Variants in SBNO2 observed in about 807,000 individuals in gnomAD.
The protein encoded by SBNO2 is protein strawberry notch homolog 2.
In SBNO2, 89 loss-of-function variants were observed where a neutral mutation model predicts 146.3. The ratio of observed to expected loss-of-function variants is 0.61; its 90% CI spans 0.51 to 0.73. The LOEUF is 0.73. SBNO2 is among the 30% of genes least tolerant of loss of function. The pLI, the probability that SBNO2 is intolerant of heterozygous loss-of-function variation, is 0.00. For missense variants in SBNO2, 2,092 were observed against 2,003.7 expected (o/e 1.04, Z -0.84); for synonymous variants, 1,147 against 892.6 (o/e 1.29, Z -5.08).
At position 1,158,802 on chromosome 19, in the gene SBNO2, G is replaced by A. The variant is rs1349469286; in HGVS notation, c.-126-4400C>T. Reference sequence around the variant, plus strand: ...GGCCCCCGGGTGTCCCGGGAACCCCGCACAGAGCCACGGCCATAAGACAGA... The same window carrying A: ...GGCCCCCGGGTGTCCCGGGAACCCCACACAGAGCCACGGCCATAAGACAGA... On this transcript the variant is annotated intron_variant, in intron 1 of 31. Coordinates refer to ENST00000361757, the MANE Select transcript of SBNO2 (RefSeq NM_014963.3). This position sits in a 1 kb window ranked among gnomAD's most constrained non-coding sequence, Gnocchi z 9.9. 1.3e-5 allele frequency among the ~76,000 whole-genome samples: 2 copies of A among 152,114 alleles called. No homozygotes were observed. Among genetic ancestry groups the A allele is most frequent in the South Asian group, 2.1e-4 (1 of 4,828 alleles).
At chr19:1,118,880 C>A (rs3826956) in intron 14 of SBNO2, 131 bp downstream of exon 14, 428,952 of 897,320 alleles carry the variant, frequency 0.48, 99,743 homozygotes, top group Admixed American at 0.57. Context: ...AAAAAAACAA[C>A]AAAAAAAAAA....
In SBNO2 at chr19:1,157,903, C is replaced by T. The variant is rs930562905; in HGVS notation, c.-126-3501G>A. The stretch of plus-strand genomic sequence containing the variant: ...TGCCTCCCAGCTCTCTCTCCTGAGT[C>T]CGGATAACTGTCCGCCTCCCAGCTC... On this transcript the variant is annotated intron_variant, in intron 1 of 31. Transcript: ENST00000361757. The surrounding 1 kb of genome is among the most constrained non-coding windows in gnomAD (Gnocchi z 6.8). 4.7e-5 allele frequency among the ~76,000 whole-genome samples: 7 copies of T among 149,580 alleles called. No individual in the cohort carries two copies. The highest frequency in any genetic ancestry group is 2.1e-4 in the South Asian group (1 of 4,680).
At chr19:1,119,718 C>A in intron 12 of SBNO2, 97 bp from the exon 13 acceptor site, 2 of 1,140,468 alleles carry the variant, frequency 1.8e-6, no homozygotes, top group Admixed American at 4.1e-5. Context: ...AGGGGCCCTG[C>A]GGGGTTGGAG....
intron 1 of SBNO2, among the ~76,000 whole-genome samples, chr19:1,156,541 C>T (rs1336932387): frequency 1.3e-5 from 2 of 152,134 alleles, no homozygotes; most frequent in East Asian, 1.9e-4. Flanking sequence ...CACACAGAAA[C>T]GTGGCCATGC....
rs1405663638 is a variant in SBNO2 at position 1,109,801 on chromosome 19, G to A, written c.3029-24C>T. On this transcript the variant is annotated intron_variant, in intron 26 of 31. Coordinates refer to ENST00000361757, the MANE Select transcript of SBNO2 (RefSeq NM_014963.3). The surrounding 1 kb of genome is among the most constrained non-coding windows in gnomAD (Gnocchi z 4.2). Reference sequence around the variant, plus strand: ...GTCTAGGGGGGCGGGTGGAGGGTAAGTGGTGTCCAGGCCTGGGACTGTGGG... The same window carrying A: ...GTCTAGGGGGGCGGGTGGAGGGTAAATGGTGTCCAGGCCTGGGACTGTGGG... 1 of 1,538,664 alleles carries A rather than the reference G, an allele frequency of 6.5e-7. No homozygotes were observed. Among genetic ancestry groups the A allele is most frequent in the East Asian group, 2.3e-5 (1 of 44,236 alleles).
chr19:1,164,341 T>C (rs1466407480), intron 1 of SBNO2, among the ~76,000 whole-genome samples: 3 of 146,562 alleles, frequency 2.0e-5, no homozygotes, highest in Non-Finnish European at 4.5e-5. Context: ...CAGGAACAGG[T>C]GCTAGGACAC....
In SBNO2 at chr19:1,114,367, G is replaced by A. The variant is rs371470509; in HGVS notation, c.1941C>T (p.Gly647=). ...KAPRLACETA[G]VIRISDDSST... ...TGCTGTCGTCACTGATGCGGATGAC[G>A]CCCGCTGTCTCGCACGCCAGCCGGG... Residue 647 remains glycine, a synonymous_variant, in exon 18 of 32, where the codon GGC becomes GGT. Coordinates refer to ENST00000361757, the MANE Select transcript of SBNO2 (RefSeq NM_014963.3). The A allele has an allele frequency of 2.1e-5, 32 of 1,555,396 alleles. 1 individual carries two copies. Among genetic ancestry groups the A allele is most frequent in the Admixed American group, 9.6e-5 (5 of 51,928 alleles).
chr19:1,112,909 C>T lies in SBNO2; in HGVS notation c.2288G>A (p.Gly763Glu). The T allele has an allele frequency of 6.4e-7, 1 of 1,569,150 alleles. No homozygotes were observed. The highest frequency in any genetic ancestry group is 8.6e-7 in the Non-Finnish European group (1 of 1,158,776). ...RKGRVVSRPD[G>E]TVAFESRAEQ... ...TGCCCGCGACTCGAAGGCCACCGTC[C>T]CGTCGGGCCTGGACACCACGCGGCC... Residue 763 changes from glycine (G) to glutamate (E), a missense_variant, in exon 20 of 32, where the codon GGG (glycine) becomes GAG (glutamate). Coordinates refer to ENST00000361757, the MANE Select transcript of SBNO2 (RefSeq NM_014963.3). This position sits in a 1 kb window ranked among gnomAD's most constrained non-coding sequence, Gnocchi z 5.9.
intron 4 of SBNO2, chr19:1,128,122 G>A: frequency 2.0e-6 from 1 of 505,726 alleles, no homozygotes; most frequent in South Asian, 1.5e-5. Flanking sequence ...CAGAGCGAGA[G>A]AGTGAGACTC....
At position 1,108,329 on chromosome 19, in the gene SBNO2, C is replaced by T. The variant is rs2079699250; in HGVS notation, c.3992G>A (p.Gly1331Asp). ...RSLHAGPPSE[G>D]ALGEGAGAGG... Reference sequence around the variant, plus strand: ...CGCCCCCGCGCCCTCCCCCAGCGCGCCCTCGGAGGGCGGCCCCGCGTGCAG... The same window carrying T: ...CGCCCCCGCGCCCTCCCCCAGCGCGTCCTCGGAGGGCGGCCCCGCGTGCAG... Residue 1331 changes from glycine to aspartate, a missense_variant, in exon 32 of 32, where the codon GGC becomes GAC. By Grantham distance (94) the Gly-to-Asp change is moderately conservative. Coordinates refer to ENST00000361757, the MANE Select transcript of SBNO2 (RefSeq NM_014963.3). 5.1e-6 allele frequency: 7 copies of T among 1,377,060 alleles called. No homozygotes were observed. Among genetic ancestry groups the T allele is most frequent in the African/African-American group, 1.6e-5 (1 of 63,588 alleles). The allele number at this position is 1,377,060 out of a possible 1,614,324, so 85.3% of individuals were successfully genotyped here. A position where few individuals can be genotyped will look rare whatever the true frequency, so the allele number is the denominator to read the frequency against.
chr19:1,112,577 G>A lies in SBNO2; in HGVS notation c.2380-40C>T, dbSNP rs754039022. 7.1e-6 allele frequency: 11 copies of A among 1,550,302 alleles called. No individual in the cohort carries two copies. The South Asian group carries it at 9.5e-5, about 13-fold the overall frequency. Reference sequence around the variant, plus strand: ...GGGGCCGGGACACGGTTGGTGCAAGGCCCGCCCCAGCGTTGCCGCCACCTC... The same window carrying A: ...GGGGCCGGGACACGGTTGGTGCAAGACCCGCCCCAGCGTTGCCGCCACCTC... On this transcript the variant is annotated intron_variant, in intron 20 of 31. Transcript: ENST00000361757. The surrounding 1 kb of genome is among the most constrained non-coding windows in gnomAD (Gnocchi z 5.9).
Position 1,122,761 on chromosome 19 carries a change from G to A in SBNO2, c.811C>T (p.Arg271Cys), listed in dbSNP as rs1189284241. The change falls in exon 9 of 32, where the codon CGC (arginine) becomes TGC (cysteine). Residue 271 changes from arginine (R) to cysteine (C), a missense_variant. By Grantham distance (180) the Arg-to-Cys change is radical (BLOSUM62 -3). Transcript: ENST00000361757. ...CCATCGCCGATGAGAAAGCCCGCGC[G>A]CTGCCCGCTGGGGAGCAGGACCTCG... is the stretch of plus-strand genomic sequence containing the variant. Reference protein sequence around the residue: ...QHEVLLPSGQRAGFLIGDGAG... With the variant: ...QHEVLLPSGQCAGFLIGDGAG... 1.3e-6 allele frequency: 2 copies of A among 1,537,666 alleles called. No homozygotes were observed. The highest frequency in any genetic ancestry group is 1.7e-6 in the Non-Finnish European group (2 of 1,146,522).
At chr19:1,147,187 G>C in intron 4 of SBNO2, 122 bp downstream of exon 4, 2 of 656,128 alleles carry the variant, frequency 3.0e-6, no homozygotes, top group Non-Finnish European at 5.2e-6. Flanking sequence ...TGCGGCCGAG[G>C]GGCCAAGCCG....
Position 1,147,437 on chromosome 19 carries a change from G to GC in SBNO2, c.168-18_168-17insG, listed in dbSNP as rs754772848. On this transcript the variant is annotated splice_polypyrimidine_tract_variant and intron_variant, in intron 3 of 31. Transcript: ENST00000361757. ...ATGAACGGGCTGGAGGGAGATGGGG[G>GC]GGGGGGAGGTGAGATGGGGTGCTCA... The GC allele has an allele frequency of 1.1e-5, 15 of 1,304,948 alleles. No individual in the cohort carries two copies. Among genetic ancestry groups the GC allele is most frequent in the Non-Finnish European group, 1.6e-5 (15 of 957,964 alleles). The allele number at this position is 1,304,948 out of a possible 1,614,324, so 80.8% of individuals were successfully genotyped here. A position where few individuals can be genotyped will look rare whatever the true frequency, so the allele number is the denominator to read the frequency against.
intron 4 of SBNO2, among the ~76,000 whole-genome samples, chr19:1,128,773 G>A (rs977730099): frequency 4.6e-5 from 7 of 151,520 alleles, no homozygotes; most frequent in African/African-American, 1.2e-4. Flanking sequence ...TTCAAGATTC[G>A]CCTGGACAAT....
intron 4 of SBNO2, among the ~76,000 whole-genome samples, 200 bp from the exon 5 acceptor site, chr19:1,127,965 C>G (rs892033807): frequency 6.6e-6 from 1 of 152,120 alleles, no homozygotes; most frequent in Non-Finnish European, 1.5e-5. Context: ...AGGTGTGCGC[C>G]ACCATGCCCA....
chr19:1,109,847 G>A lies in SBNO2; in HGVS notation c.3029-70C>T, dbSNP rs1046983399. ...GTGGGCTGGGGCCAGGGTCAGTCCCGTAGCCGGGGCGCACCCTAGAGACGA... is the reference window on the plus strand; with the variant it reads ...GTGGGCTGGGGCCAGGGTCAGTCCCATAGCCGGGGCGCACCCTAGAGACGA... On this transcript the variant is annotated intron_variant, in intron 26 of 31. Coordinates refer to ENST00000361757, the MANE Select transcript of SBNO2 (RefSeq NM_014963.3). This position sits in a 1 kb window ranked among gnomAD's most constrained non-coding sequence, Gnocchi z 4.2. 1.3e-5 allele frequency: 16 copies of A among 1,218,782 alleles called. No individual in the cohort carries two copies. The highest frequency in any genetic ancestry group is 1.1e-4 in the South Asian group (8 of 70,000). The allele number at this position is 1,218,782 out of a possible 1,614,324, so 75.5% of individuals were successfully genotyped here.
chr19:1,123,007 TCTC>T lies in SBNO2; in HGVS notation c.664_666del (p.Glu222del). 6.3e-7 allele frequency: 1 copy of T among 1,587,776 alleles called. No individual in the cohort carries two copies. Among genetic ancestry groups the T allele is most frequent in the Non-Finnish European group, 8.6e-7 (1 of 1,167,786 alleles). ...GGTGGGACGCTGGACAGTGTGCTGG[TCTC>T]CACCACGCGGTCTGGGTGCTGCTTC... On this transcript the variant is annotated inframe_deletion, in exon 8 of 32. Transcript: ENST00000361757.
Position 1,113,162 on chromosome 19 carries a change from G to A in SBNO2, c.2248-213C>T, listed in dbSNP as rs1021033601. Among the ~76,000 whole-genome samples the A allele has an allele frequency of 1.1e-4, 17 of 152,276 alleles. 1 individual carries two copies. Among genetic ancestry groups the A allele is most frequent in the Admixed American group, 9.8e-4 (15 of 15,306 alleles). On this transcript the variant is annotated intron_variant, in intron 19 of 31. Transcript: ENST00000361757. Reference sequence around the variant, plus strand: ...GGTATTATCAGCCAGCCGGCGCCACGAAGTGAAAAAGTGAAGCTGGGCGGG... The same window carrying A: ...GGTATTATCAGCCAGCCGGCGCCACAAAGTGAAAAAGTGAAGCTGGGCGGG...
Sources: gnomAD v4.1 joint callset for allele counts (sites outside exome capture counted in the v4.1 genomes callset) on GRCh38, gnomAD v4.1.1 for gene constraint, Gnocchi (gnomAD v3.1) non-coding constraint, MANE v1.5 for transcripts, NCBI Gene and HGNC (gene_info 2026-07-23, HGNC 2026-07-21) for gene names.